Variants in SYNDIG1L observed in about 807,000 individuals in gnomAD.
The protein encoded by SYNDIG1L is synapse differentiation-inducing gene protein 1-like.
SYNDIG1L carries 13 observed loss-of-function variants against 20.1 expected under a neutral mutation model. That is an observed-to-expected ratio of 0.65 (90% CI 0.42 to 1.03). The LOEUF is 1.03. SYNDIG1L is among the 50% of genes least tolerant of loss of function. SYNDIG1L has a pLI of 0.00. For missense variants in SYNDIG1L, 294 were observed against 305.1 expected (o/e 0.96, Z 0.27); for synonymous variants, 128 against 129.3 (o/e 0.99, Z 0.07).
At chr14:74,423,870 G>A (rs1405586518) in intron 1 of SYNDIG1L, among the ~76,000 whole-genome samples, 1 of 151,880 alleles carries the variant, frequency 6.6e-6, no homozygotes, top group Admixed American at 6.6e-5. Context: ...AGAGATGGTG[G>A]TGGTGGTGGT....
chr14:74,421,495 G>A (rs1261347096), intron 1 of SYNDIG1L, among the ~76,000 whole-genome samples: 11 of 152,116 alleles, frequency 7.2e-5, no homozygotes, highest in African/African-American at 2.2e-4. Context: ...AAGCAGAAGC[G>A]TCAAGTGTTT....
At chr14:74,431,410 A>G in the SYNDIG1L span, among the ~76,000 whole-genome samples, 6 of 152,182 alleles carry the variant, frequency 3.9e-5, no homozygotes, top group Admixed American at 1.3e-4. Flanking sequence ...CTAAGAAAAC[A>G]TCCTTGGGGA....
At chr14:74,426,455 TC>T, upstream of SYNDIG1L, among the ~76,000 whole-genome samples, 1 of 151,850 alleles carries the variant, frequency 6.6e-6, no homozygotes, top group East Asian at 2.0e-4. Flanking sequence ...AGCCCTTCTC[TC>T]CCCTCCTCCC....
chr14:74,410,641 C>A (rs1454090489), intron 1 of SYNDIG1L, among the ~76,000 whole-genome samples: 3 of 124,974 alleles, frequency 2.4e-5, no homozygotes, highest in South Asian at 5.1e-4. Flanking sequence ...GGAACTGATC[C>A]TGGGAAATAT....
rs763935499 is a variant in SYNDIG1L, at chr14:74,407,589, G to A, written c.663C>T (p.Tyr221=). 1.6e-5 allele frequency: 26 copies of A among 1,614,024 alleles called. No individual in the cohort carries two copies. The highest frequency in any genetic ancestry group is 1.6e-4 in the Middle Eastern group (1 of 6,080). ...TLAIAVGAGL[Y]VAVVVALAAY... ...CTGCCAGAGCCACCACCACAGCCACGTAGAGACCGGCCCCCACGGCGATGG... is the reference window on the plus strand; with the variant it reads ...CTGCCAGAGCCACCACCACAGCCACATAGAGACCGGCCCCCACGGCGATGG... Residue 221 remains tyrosine (Y), a synonymous_variant, in exon 4 of 4, where the codon TAC becomes TAT. Coordinates refer to ENST00000331628, the MANE Select transcript of SYNDIG1L (RefSeq NM_001105579.2).
chr14:74,432,450 C>T, the SYNDIG1L span, among the ~76,000 whole-genome samples: 1 of 152,148 alleles, frequency 6.6e-6, no homozygotes, highest in Non-Finnish European at 1.5e-5. Flanking sequence ...CCTAACTGTG[C>T]TATGATGGCA....
chr14:74,418,035 CAGA>C (rs1298301745), intron 1 of SYNDIG1L, among the ~76,000 whole-genome samples: 1 of 152,146 alleles, frequency 6.6e-6, no homozygotes, highest in African/African-American at 2.4e-5. Context: ...CCTAATCGGG[CAGA>C]AGATTAAATG....
chr14:74,442,305 G>A, the SYNDIG1L span, among the ~76,000 whole-genome samples: 2,828 of 152,202 alleles, frequency 0.019, 82 homozygotes, highest in African/African-American at 0.058. Context: ...AAGTGCTACC[G>A]CAAATGGCAA....
chr14:74,437,838 A>C, the SYNDIG1L span, among the ~76,000 whole-genome samples: 1 of 152,196 alleles, frequency 6.6e-6, no homozygotes, highest in Non-Finnish European at 1.5e-5. Flanking sequence ...GCAGCCGCTC[A>C]GGGGCTGTTT....
the SYNDIG1L span, among the ~76,000 whole-genome samples, chr14:74,464,482 G>T: frequency 6.6e-6 from 1 of 152,126 alleles, no homozygotes; most frequent in Non-Finnish European, 1.5e-5. Context: ...TTGTGGAAGT[G>T]CTGGGTAAAT....
At chr14:74,452,670 A>C in the SYNDIG1L span, among the ~76,000 whole-genome samples, 1 of 152,346 alleles carries the variant, frequency 6.6e-6, no homozygotes, top group East Asian at 1.9e-4. Flanking sequence ...TTTAGAAAAC[A>C]GTTTGTCCAT....
chr14:74,416,101 C>T (rs1204859483), intron 1 of SYNDIG1L, among the ~76,000 whole-genome samples: 1 of 149,388 alleles, frequency 6.7e-6, no homozygotes, highest in Admixed American at 6.6e-5. Context: ...TAGAAAGGGG[C>T]CTGAGGACTT....
chr14:74,466,673 C>A, the SYNDIG1L span, among the ~76,000 whole-genome samples: 12 of 152,264 alleles, frequency 7.9e-5, no homozygotes, highest in South Asian at 2.3e-3. Flanking sequence ...CACAGGTCTC[C>A]CCTCCCGCTT....
the SYNDIG1L span, chr14:74,473,859 A>T: frequency 5.9e-5 from 9 of 152,368 alleles, no homozygotes; most frequent in African/African-American, 2.2e-4. Context: ...TACCCTCGGA[A>T]CTAGAAGCCA....
the SYNDIG1L span, among the ~76,000 whole-genome samples, chr14:74,470,228 T>C: frequency 6.6e-6 from 1 of 152,168 alleles, no homozygotes. Flanking sequence ...TCTGTTCTAT[T>C]TGACTTATTT....
the SYNDIG1L span, chr14:74,471,892 G>A: frequency 6.6e-6 from 1 of 152,128 alleles, no homozygotes; most frequent in South Asian, 2.1e-4. Flanking sequence ...AACTACCACT[G>A]AAGTCATAGC....
chr14:74,410,090 G>A (rs73311254), intron 1 of SYNDIG1L, among the ~76,000 whole-genome samples: 2,070 of 152,296 alleles, frequency 0.014, 42 homozygotes, highest in African/African-American at 0.048. Context: ...CTGGATGCTT[G>A]GGGTACCATG....
At chr14:74,430,008 G>T (rs540775680), upstream of SYNDIG1L, among the ~76,000 whole-genome samples, 1 of 152,230 alleles carries the variant, frequency 6.6e-6, no homozygotes, top group Admixed American at 6.5e-5. Context: ...CATTTCTTTA[G>T]AAACACACTG....
At chr14:74,479,934 C>A in the SYNDIG1L span, 1 of 1,243,132 alleles carries the variant, frequency 8.0e-7, no homozygotes, top group Non-Finnish European at 1.0e-6. Context: ...AAGACCACAG[C>A]CCACATGCAG....
Sources: allele counts gnomAD v4.1 joint callset (sites outside exome capture counted in the v4.1 genomes callset), GRCh38; gene constraint gnomAD v4.1.1; transcripts MANE v1.5; gene names NCBI Gene and HGNC (gene_info 2026-07-23, HGNC 2026-07-21).